The following ZNF808 variants were observed in gnomAD, a reference collection of about 807,000 sequenced individuals.
ZNF808 encodes zinc finger protein 808.
ZNF808 carries 5 observed loss-of-function variants against 8.7 expected under a neutral mutation model. That is an observed-to-expected ratio of 0.58 (90% CI 0.30 to 1.21). The LOEUF is 1.21. Ranked by LOEUF, ZNF808 falls within the 50% of genes most tolerant of loss-of-function variation. The pLI is 0.07. For missense variants in ZNF808, 1,103 were observed against 1,098.4 expected, an observed-to-expected ratio of 1.00 and a Z score of -0.06; for synonymous variants, 380 against 366.0, an observed-to-expected ratio of 1.04 and a Z score of -0.44.
intron 3 of ZNF808, 127 bp from the exon 4 acceptor site, chr19:52,547,385 C>A: frequency 6.5e-7 from 1 of 1,531,910 alleles, no homozygotes; most frequent in Non-Finnish European, 8.7e-7. Flanking sequence ...TCAAAAATAC[C>A]TTAACATCCT....
chr19:52,539,794 C>T (rs2059652671), intron 2 of ZNF808, among the ~76,000 whole-genome samples: 1 of 151,218 alleles, frequency 6.6e-6, no homozygotes, highest in Non-Finnish European at 1.5e-5. Context: ...CTCAGGTGAT[C>T]CTCCCACCTC....
chr19:52,529,055 A>T (rs1362786972), intron 1 of ZNF808, among the ~76,000 whole-genome samples: 2 of 151,886 alleles, frequency 1.3e-5, no homozygotes, highest in East Asian at 3.9e-4. Flanking sequence ...AGAGATATGT[A>T]CAGAATTAGG....
chr19:52,540,603 T>A (rs1343899272), intron 2 of ZNF808, among the ~76,000 whole-genome samples: 2 of 152,136 alleles, frequency 1.3e-5, no homozygotes, highest in Non-Finnish European at 2.9e-5. Flanking sequence ...TTTTCTTATG[T>A]CATCTGAAAA....
rs761032044 is a variant in ZNF808 at position 52,553,552 on chromosome 19, C to T, written c.636C>T (p.Pro212=). 1.9e-6 allele frequency: 3 copies of T among 1,614,004 alleles called. No homozygotes were observed. The highest frequency in any genetic ancestry group is 2.5e-6 in the Non-Finnish European group (3 of 1,180,028). Residue 212 remains proline, a synonymous_variant, in exon 5 of 5, where the codon CCC becomes CCT. Transcript: ENST00000359798. The part of the protein sequence containing the change: ...IHISNNYGNN[P]LNSSLLPQKQ... ...TTTCTAATAACTATGGGAATAATCCCCTGAATTCTTCATTACTCCCACAAA... is the reference window on the plus strand; with the variant it reads ...TTTCTAATAACTATGGGAATAATCCTCTGAATTCTTCATTACTCCCACAAA...
At chr19:52,536,389 C>T (rs554670622) in intron 2 of ZNF808, among the ~76,000 whole-genome samples, 4 of 152,176 alleles carry the variant, frequency 2.6e-5, no homozygotes, top group African/African-American at 9.7e-5. Context: ...CCAGCCTCTC[C>T]GTCTTCGGCC....
chr19:52,535,034 G>A (rs770009556), intron 2 of ZNF808, among the ~76,000 whole-genome samples: 6 of 150,308 alleles, frequency 4.0e-5, no homozygotes, highest in Middle Eastern at 6.9e-3. Flanking sequence ...ATTTAAAAAC[G>A]GGTTAAAAAA....
At chr19:52,542,961 G>A (rs545533111) in intron 2 of ZNF808, among the ~76,000 whole-genome samples, 3 of 68,096 alleles carry the variant, frequency 4.4e-5, no homozygotes, top group South Asian at 4.6e-4. Flanking sequence ...TTTTTTTTGG[G>A]GGGGGGGTGG....
intron 4 of ZNF808, among the ~76,000 whole-genome samples, chr19:52,552,098 A>T (rs894719314): frequency 6.6e-6 from 1 of 151,950 alleles, no homozygotes; most frequent in African/African-American, 2.4e-5. Flanking sequence ...GATCACTGCA[A>T]AGTCCACCTC....
chr19:52,541,080 T>C (rs575307928), intron 2 of ZNF808, among the ~76,000 whole-genome samples: 1 of 152,092 alleles, frequency 6.6e-6, no homozygotes, highest in East Asian at 1.9e-4. Context: ...GCCTCCTGAG[T>C]AGCAGGGACT....
At chr19:52,567,662 C>G (rs2146971866), downstream of ZNF808, among the ~76,000 whole-genome samples, 1 of 151,524 alleles carries the variant, frequency 6.6e-6, no homozygotes, top group South Asian at 2.1e-4. Context: ...GTAGCTGGGA[C>G]TACAGGCTCA....
chr19:52,529,731 ATG>A (rs1034559129), intron 1 of ZNF808, among the ~76,000 whole-genome samples: 4 of 151,938 alleles, frequency 2.6e-5, no homozygotes, highest in Non-Finnish European at 5.9e-5. Flanking sequence ...AATTAATTAA[ATG>A]ATATTTTGAG....
chr19:52,544,121 T>C (rs1568484071), intron 3 of ZNF808, among the ~76,000 whole-genome samples: 1 of 152,090 alleles, frequency 6.6e-6, no homozygotes. Context: ...ATTGTGCCAC[T>C]GCACTCCAGC....
At chr19:52,539,740 ATGGGGTT>A (rs1223037494) in intron 2 of ZNF808, among the ~76,000 whole-genome samples, 3 of 150,986 alleles carry the variant, frequency 2.0e-5, no homozygotes, top group Non-Finnish European at 4.4e-5. Flanking sequence ...TTCAGTGGAG[ATGGGGTT>A]TCTCCATCTT....
intron 3 of ZNF808, among the ~76,000 whole-genome samples, chr19:52,546,484 C>T (rs557460386): frequency 2.0e-5 from 3 of 151,992 alleles, no homozygotes; most frequent in African/African-American, 4.8e-5. Flanking sequence ...TGTGCCTGAC[C>T]GATCATGATA....
chr19:52,559,325 A>G (rs533290568), downstream of ZNF808, among the ~76,000 whole-genome samples: 6 of 152,096 alleles, frequency 3.9e-5, no homozygotes, highest in South Asian at 4.1e-4. Context: ...AGGCATTGAG[A>G]TGTTTATGTA....
In ZNF808 at chr19:52,553,390, A is replaced by G. The variant is rs779486194; in HGVS notation, c.474A>G (p.Ser158=). ...AGCCTATTAAAGATCAGCTTGGATC[A>G]AGCTTTTATTCACATCTGCCTGAAC... The part of the protein sequence containing the change: ...GNKPIKDQLG[S]SFYSHLPELH... The change falls in exon 5 of 5, where the codon TCA becomes TCG. Residue 158 remains serine, a synonymous_variant. Coordinates refer to ENST00000359798, the MANE Select transcript of ZNF808 (RefSeq NM_001039886.4). The G allele has an allele frequency of 2.9e-5, 47 of 1,614,080 alleles. No homozygotes were observed. Among genetic ancestry groups the G allele is most frequent in the Non-Finnish European group, 3.6e-5 (43 of 1,180,032 alleles).
At chr19:52,546,225 T>A (rs2059718840) in intron 3 of ZNF808, among the ~76,000 whole-genome samples, 1 of 150,842 alleles carries the variant, frequency 6.6e-6, no homozygotes. Flanking sequence ...TATTGCTTTG[T>A]CACCCAGGCT....
downstream of ZNF808, among the ~76,000 whole-genome samples, chr19:52,567,486 T>TTTATTATTATTA (rs199989177): frequency 5.4e-5 from 2 of 37,200 alleles, no homozygotes; most frequent in Non-Finnish European, 6.4e-5. Flanking sequence ...AGCTGTATTT[T>TTTATTATTATTA]TTATTATTAT....
intron 2 of ZNF808, 68 bp from the exon 3 acceptor site, chr19:52,543,198 A>C: frequency 6.6e-7 from 1 of 1,521,402 alleles, no homozygotes. Context: ...CTCCCGGTTC[A>C]TGTGGTTTTG....
Sources: gnomAD v4.1 joint callset for allele counts (sites outside exome capture counted in the v4.1 genomes callset) on GRCh38, gnomAD v4.1.1 for gene constraint, MANE v1.5 for transcripts, NCBI Gene and HGNC (gene_info 2026-07-23, HGNC 2026-07-21) for gene names.